VRK3: variants seen among roughly 807,000 people sequenced by gnomAD.
The protein encoded by VRK3 is VRK serine/threonine kinase 3, also known as serine/threonine-protein kinase VRK3.
A neutral mutation model predicts 60.4 loss-of-function variants in VRK3; 50 were observed. That is an observed-to-expected ratio of 0.83 (90% CI 0.66 to 1.05). The LOEUF (loss-of-function observed/expected upper bound fraction) is 1.05, where lower values mean the gene tolerates loss of function less well. Ranked by LOEUF, VRK3 falls within the 50% of genes least tolerant of loss-of-function variation. VRK3 has a pLI of 0.00. For missense variants in VRK3, 549 were observed against 585.3 expected, an observed-to-expected ratio of 0.94 and a Z score of 0.64; for synonymous variants, 246 against 227.8, an observed-to-expected ratio of 1.08 and a Z score of -0.72.
Position 49,993,038 on chromosome 19 carries a change from A to G in VRK3, c.871-86T>C, listed in dbSNP as rs563215649. ...GTGCAGACCAGGAGGGAGCCCCACTATTAAGGCCTGGGGTTGTCCGACACT... is the reference window on the plus strand; with the variant it reads ...GTGCAGACCAGGAGGGAGCCCCACTGTTAAGGCCTGGGGTTGTCCGACACT... On this transcript the variant is annotated intron_variant, in intron 9 of 14. Coordinates refer to ENST00000316763, the MANE Select transcript of VRK3 (RefSeq NM_016440.4). 177 of 1,263,422 alleles carry G rather than the reference A, an allele frequency of 1.4e-4. No homozygotes were observed. In the African/African-American group the frequency reaches 2.2e-3, roughly 16 times the overall value. The allele number at this position is 1,263,422 out of a possible 1,614,324, so 78.3% of individuals were successfully genotyped here.
intron 4 of VRK3, 60 bp downstream of exon 4, chr19:50,009,176 C>T (rs2076953705): frequency 1.3e-6 from 2 of 1,561,142 alleles, no homozygotes; most frequent in Middle Eastern, 1.7e-4. Flanking sequence ...TCCCAAAGAT[C>T]ATCAGATGAC....
At chr19:49,997,386 A>C in intron 7 of VRK3, 118 bp downstream of exon 7, 1 of 1,156,320 alleles carries the variant, frequency 8.6e-7, no homozygotes, top group Non-Finnish European at 1.2e-6. Flanking sequence ...AGATGGGAGC[A>C]AACCTGGGCC....
At chr19:49,985,566 A>G (rs2076499127) in intron 12 of VRK3, among the ~76,000 whole-genome samples, 1 of 151,786 alleles carries the variant, frequency 6.6e-6, no homozygotes, top group Non-Finnish European at 1.5e-5. Flanking sequence ...TGTGCTGCAC[A>G]CCCCCACCAA....
At chr19:49,981,081 C>T (rs1323617516) in intron 12 of VRK3, 68 bp from the exon 13 acceptor site, 1 of 1,196,354 alleles carries the variant, frequency 8.4e-7, no homozygotes, top group Non-Finnish European at 1.1e-6. Flanking sequence ...AAACAGAATG[C>T]CTAAGATATA....
chr19:49,984,406 G>A (rs1376527253), intron 12 of VRK3, among the ~76,000 whole-genome samples: 1 of 152,156 alleles, frequency 6.6e-6, no homozygotes, highest in African/African-American at 2.4e-5. Flanking sequence ...CATCTCCCAG[G>A]TGAGGGTTTC....
chr19:49,977,718 G>A (rs891553730), intron 14 of VRK3, among the ~76,000 whole-genome samples: 1 of 152,144 alleles, frequency 6.6e-6, no homozygotes, highest in Admixed American at 6.5e-5. Flanking sequence ...GGAGGACCCC[G>A]AGCTGTCTGG....
intron 5 of VRK3, among the ~76,000 whole-genome samples, chr19:50,007,284 G>A (rs989324006): frequency 6.6e-6 from 1 of 151,458 alleles, no homozygotes; most frequent in African/African-American, 2.4e-5. Flanking sequence ...ACAATAGCAG[G>A]TAGCAGGTGG....
chr19:49,995,162 T>C (rs774475421), intron 8 of VRK3, 29 bp downstream of exon 8: 2 of 1,610,364 alleles, frequency 1.2e-6, no homozygotes, highest in African/African-American at 1.3e-5. Context: ...AAGAGGCCGG[T>C]GAGGCAAGCA....
At chr19:49,992,728 G>T in intron 10 of VRK3, 132 bp downstream of exon 10, 5 of 732,580 alleles carry the variant, frequency 6.8e-6, no homozygotes, top group East Asian at 2.6e-5. Context: ...TTATTTATTT[G>T]AAGGAGCTCT....
intron 13 of VRK3, among the ~76,000 whole-genome samples, chr19:49,980,161 G>A (rs562243747): frequency 2.0e-5 from 3 of 152,132 alleles, no homozygotes; most frequent in Non-Finnish European, 2.9e-5. Flanking sequence ...CCTCCAGCTT[G>A]GAGAAAAGCA....
At chr19:50,007,522 T>C (rs767236727) in intron 5 of VRK3, 47 bp downstream of exon 5, 1 of 1,607,258 alleles carries the variant, frequency 6.2e-7, no homozygotes, top group Non-Finnish European at 8.5e-7. Context: ...CCCACTGTCC[T>C]GGTGCTGAGA....
At chr19:50,024,578 T>A (rs903691324) in intron 1 of VRK3, among the ~76,000 whole-genome samples, 1 of 152,186 alleles carries the variant, frequency 6.6e-6, no homozygotes, top group African/African-American at 2.4e-5. Flanking sequence ...TGGGCAGGAT[T>A]TTTGTTTTAG....
At chr19:50,014,330 G>A (rs544548583) in intron 3 of VRK3, among the ~76,000 whole-genome samples, 1 of 151,770 alleles carries the variant, frequency 6.6e-6, no homozygotes, top group South Asian at 2.1e-4. Context: ...AGGCCGAGGC[G>A]GGTGGATCAT....
At chr19:50,005,942 A>G (rs1041919193) in intron 5 of VRK3, among the ~76,000 whole-genome samples, 7 of 149,012 alleles carry the variant, frequency 4.7e-5, no homozygotes, top group Non-Finnish European at 1.0e-4. Context: ...TTAGATAGTG[A>G]CGATGGTTGC....
At chr19:49,986,131 G>C (rs1249693620) in intron 12 of VRK3, among the ~76,000 whole-genome samples, 1 of 152,230 alleles carries the variant, frequency 6.6e-6, no homozygotes, top group African/African-American at 2.4e-5. Flanking sequence ...TCTGGGCATG[G>C]TGCCACTTAT....
rs367916260 is a variant in VRK3, at chr19:49,989,811, G to T, written c.964-40C>A. The T allele has an allele frequency of 4.5e-6, 7 of 1,540,026 alleles. No homozygotes were observed. In the African/African-American group the frequency reaches 8.2e-5, roughly 18 times the overall value. On this transcript the variant is annotated intron_variant, in intron 10 of 14. Coordinates refer to ENST00000316763, the MANE Select transcript of VRK3 (RefSeq NM_016440.4). Reference sequence around the variant, plus strand: ...AAAAGCCATACAGATTGGAGGTTAGGAGCGTAGAAGTCAGAGATTTCCATC... The same window carrying T: ...AAAAGCCATACAGATTGGAGGTTAGTAGCGTAGAAGTCAGAGATTTCCATC...
At chr19:50,005,727 T>G (rs2076879681) in intron 5 of VRK3, among the ~76,000 whole-genome samples, 1 of 149,662 alleles carries the variant, frequency 6.7e-6, no homozygotes, top group Non-Finnish European at 1.5e-5. Context: ...ACAGCATGGA[T>G]GCACCTTGAG....
chr19:49,991,283 A>C (rs2076607270), intron 10 of VRK3, among the ~76,000 whole-genome samples: 1 of 152,180 alleles, frequency 6.6e-6, no homozygotes, highest in Non-Finnish European at 1.5e-5. Context: ...TGTGAATAGA[A>C]TAAAAAGCTA....
At chr19:49,980,894 G>T (rs965313103) in intron 13 of VRK3, 61 bp downstream of exon 13, 2 of 1,508,334 alleles carry the variant, frequency 1.3e-6, no homozygotes, top group Non-Finnish European at 1.8e-6. Context: ...ACCCCAAGAT[G>T]GATCTGAGCC....
Sources: gnomAD v4.1 joint callset for allele counts (sites outside exome capture counted in the v4.1 genomes callset) on GRCh38, gnomAD v4.1.1 for gene constraint, MANE v1.5 for transcripts, NCBI Gene and HGNC (gene_info 2026-07-23, HGNC 2026-07-21) for gene names.